MPP7: variants seen among roughly 807,000 people sequenced by gnomAD.
MPP7 encodes the protein MAGUK p55 subfamily member 7.
In MPP7, 60 loss-of-function variants were observed where a neutral mutation model predicts 76.5. The observed-to-expected ratio is 0.78, with a 90% confidence interval of 0.64 to 0.97. The LOEUF is 0.97. Ranked by LOEUF, MPP7 falls within the 50% of genes least tolerant of loss-of-function variation. The pLI is 0.00. For missense variants in MPP7, 641 were observed against 694.0 expected (o/e 0.92, Z 0.86); for synonymous variants, 237 against 244.5 (o/e 0.97, Z 0.29).
chr10:28,196,099 T>G (rs751017517), intron 3 of MPP7, among the ~76,000 whole-genome samples: 6 of 152,204 alleles, frequency 3.9e-5, no homozygotes, highest in Non-Finnish European at 5.9e-5. Flanking sequence ...GAAATTCAAC[T>G]GTAAGAGGAT....
rs1280194466 is a variant in MPP7 at position 28,052,870 on chromosome 10, C to G, written c.*1195G>C. ...ATGCAAGAACGGCAGGATATGCTCT[C>G]TTATAGAACGGATAGACATTTCTAG... On this transcript the variant is annotated 3_prime_UTR_variant, in exon 17 of 17. Coordinates refer to ENST00000683449, the MANE Select transcript of MPP7 (RefSeq NM_001318170.2). 2 of 152,038 alleles carry G rather than the reference C, an allele frequency of 1.3e-5. No homozygotes were observed. The highest frequency in any genetic ancestry group is 2.9e-5 in the Non-Finnish European group (2 of 68,022). The allele number at this position is 152,038 out of a possible 1,614,324, so 9.4% of individuals were successfully genotyped here.
intron 2 of MPP7, among the ~76,000 whole-genome samples, chr10:28,230,579 C>T (rs1329392452): frequency 6.6e-6 from 1 of 152,012 alleles, no homozygotes; most frequent in Non-Finnish European, 1.5e-5. Context: ...TTTGGGAAGC[C>T]GAGGCAGGCA....
At chr10:28,304,307 C>T (rs935703716), upstream of MPP7, among the ~76,000 whole-genome samples, 3 of 152,120 alleles carry the variant, frequency 2.0e-5, no homozygotes, top group Non-Finnish European at 4.4e-5. Context: ...TTGTCATTCT[C>T]GCAAAGTTCT....
intron 12 of MPP7, among the ~76,000 whole-genome samples, chr10:28,076,887 G>GAAA (rs757961305): frequency 6.1e-5 from 8 of 132,226 alleles, no homozygotes; most frequent in Non-Finnish European, 1.2e-4. Context: ...GACTCCGTCT[G>GAAA]AAAAAAAAAA....
chr10:28,124,595 C>A (rs539556477), intron 7 of MPP7, among the ~76,000 whole-genome samples: 1 of 150,556 alleles, frequency 6.6e-6, no homozygotes, highest in African/African-American at 2.4e-5. Context: ...CCTGCCTCAG[C>A]CTTGCAAGTA....
intron 15 of MPP7, chr10:28,057,828 G>A: frequency 7.9e-7 from 1 of 1,270,420 alleles, no homozygotes; most frequent in Non-Finnish European, 1.0e-6. Flanking sequence ...ACAGCCATCA[G>A]TGGAAGGAGA....
chr10:28,091,672 T>C (rs79831001), intron 11 of MPP7, among the ~76,000 whole-genome samples: 1,846 of 152,342 alleles, frequency 0.012, 54 homozygotes, highest in East Asian at 0.12. Flanking sequence ...TTAGTGAATA[T>C]AGTCAGCTGT....
intron 1 of MPP7, among the ~76,000 whole-genome samples, chr10:28,253,123 G>A (rs993029307): frequency 6.6e-6 from 1 of 152,036 alleles, no homozygotes; most frequent in Admixed American, 6.6e-5. Context: ...GGACAGGCTG[G>A]TCTCGAACTC....
intron 3 of MPP7, among the ~76,000 whole-genome samples, chr10:28,199,499 G>A (rs1234821461): frequency 6.6e-6 from 1 of 152,120 alleles, no homozygotes; most frequent in Non-Finnish European, 1.5e-5. Flanking sequence ...CCCCAAGGTG[G>A]CTGAATCTGT....
At chr10:28,086,989 G>A (rs1411321039) in intron 12 of MPP7, among the ~76,000 whole-genome samples, 8 of 152,074 alleles carry the variant, frequency 5.3e-5, no homozygotes, top group East Asian at 1.9e-4. Flanking sequence ...CTATAGTCTC[G>A]ATGTTTGTCC....
intron 6 of MPP7, among the ~76,000 whole-genome samples, chr10:28,128,017 T>G (rs928956750): frequency 6.6e-6 from 1 of 152,074 alleles, no homozygotes; most frequent in Non-Finnish European, 1.5e-5. Context: ...TGGAGCCCAG[T>G]AGCAGAGGAG....
intron 11 of MPP7, among the ~76,000 whole-genome samples, chr10:28,103,674 A>G (rs1156865117): frequency 1.3e-5 from 2 of 152,138 alleles, no homozygotes; most frequent in African/African-American, 4.8e-5. Flanking sequence ...GAAAAGGAGG[A>G]TGTTTGTTTT....
At chr10:28,055,447 G>A (rs1432690605) in intron 16 of MPP7, among the ~76,000 whole-genome samples, 2 of 151,986 alleles carry the variant, frequency 1.3e-5, no homozygotes, top group African/African-American at 4.8e-5. Flanking sequence ...AGAGGGGCAA[G>A]AAAAAAATAA....
chr10:28,221,230 A>G (rs139503737), intron 2 of MPP7, among the ~76,000 whole-genome samples: 3 of 152,208 alleles, frequency 2.0e-5, no homozygotes, highest in Admixed American at 2.0e-4. Flanking sequence ...TAAAAATAAC[A>G]AACTGGTGGT....
intron 2 of MPP7, among the ~76,000 whole-genome samples, chr10:28,210,658 T>C (rs1019410566): frequency 1.3e-5 from 2 of 152,236 alleles, no homozygotes; most frequent in Non-Finnish European, 2.9e-5. Flanking sequence ...AAAGATGTTT[T>C]GAGATTTTTA....
chr10:28,296,762 T>C (rs1221166506), intron 1 of MPP7, among the ~76,000 whole-genome samples: 1 of 152,244 alleles, frequency 6.6e-6, no homozygotes, highest in Non-Finnish European at 1.5e-5. Flanking sequence ...AAAACATTTA[T>C]ATGCCTGGAA....
At chr10:28,207,613 AG>A (rs1837991631) in intron 2 of MPP7, among the ~76,000 whole-genome samples, 1 of 151,982 alleles carries the variant, frequency 6.6e-6, no homozygotes, top group South Asian at 2.1e-4. Flanking sequence ...TGAGCCCAGG[AG>A]GTAAAGGCTG....
upstream of MPP7, among the ~76,000 whole-genome samples, chr10:28,306,361 A>T (rs1564769087): frequency 2.6e-5 from 4 of 152,228 alleles, no homozygotes; most frequent in Non-Finnish European, 5.9e-5. Flanking sequence ...CATTAGATAG[A>T]CAGAAGAGGC....
At chr10:28,171,568 C>T (rs963092504) in intron 3 of MPP7, among the ~76,000 whole-genome samples, 51 of 152,278 alleles carry the variant, frequency 3.3e-4, no homozygotes, top group Non-Finnish European at 6.0e-4. Context: ...ACTATAATTT[C>T]GCTGAGTCTT....
Sources: allele counts gnomAD v4.1 joint callset (sites outside exome capture counted in the v4.1 genomes callset), GRCh38; gene constraint gnomAD v4.1.1; transcripts MANE v1.5; gene names NCBI Gene and HGNC (gene_info 2026-07-23, HGNC 2026-07-21).